RAD51B: variants seen among roughly 807,000 people sequenced by gnomAD.
The protein encoded by RAD51B is RAD51 paralog B, also known as DNA repair protein RAD51 homolog 2.
Under a neutral mutation model 42.2 loss-of-function variants are expected in RAD51B, and 38 were observed. The observed-to-expected ratio is 0.90, with a 90% CI of 0.70 to 1.18. RAD51B has a LOEUF of 1.18. RAD51B is among the 50% of genes most tolerant of loss of function. The pLI is 0.00. For synonymous variants in RAD51B, 154 were observed against 145.2 expected (o/e 1.06, Z -0.43); for missense variants, 373 against 400.7 (o/e 0.93, Z 0.59).
chr14:68,563,952 T>C (rs1474019491), intron 10 of RAD51B: 1 of 970,718 alleles, frequency 1.0e-6, no homozygotes, highest in Non-Finnish European at 1.2e-6. Flanking sequence ...AGAGAACTCT[T>C]GGGTGCTCCC....
At chr14:68,513,560 ACCTT>A (rs1885910977) in intron 10 of RAD51B, among the ~76,000 whole-genome samples, 3 of 151,910 alleles carry the variant, frequency 2.0e-5, no homozygotes, top group South Asian at 4.2e-4. Flanking sequence ...TACAGACCCC[ACCTT>A]TGGGGTCTGG....
At chr14:68,088,847 A>C (rs1315426293) in intron 7 of RAD51B, among the ~76,000 whole-genome samples, 1 of 152,160 alleles carries the variant, frequency 6.6e-6, no homozygotes, top group Non-Finnish European at 1.5e-5. Context: ...GAAGGCAATT[A>C]AAACTTTGAA....
chr14:68,446,793 T>C (rs1431921540), intron 9 of RAD51B, among the ~76,000 whole-genome samples: 1 of 152,224 alleles, frequency 6.6e-6, no homozygotes, highest in Admixed American at 6.5e-5. Context: ...GGCCATCATC[T>C]GAGGCCCTGG....
chr14:68,438,155 T>G (rs904355199), intron 9 of RAD51B, among the ~76,000 whole-genome samples: 1 of 152,180 alleles, frequency 6.6e-6, no homozygotes, highest in African/African-American at 2.4e-5. Context: ...ACATCAGATT[T>G]GTACCTTCCA....
In RAD51B at chr14:68,484,365, T is replaced by C. The variant is rs568661523; in HGVS notation, c.1036+16115T>C. Among the ~76,000 whole-genome samples, 4 of 148,964 alleles carry C rather than the reference T, an allele frequency of 2.7e-5. No individual in the cohort carries two copies. The South Asian group carries it at 6.3e-4, about 24-fold the overall frequency. ...GGCTATTTTCTTTCTTTTTCTTTTT[T>C]TTTTTTTTTTGAGACAGAGTTTTGC... On this transcript the variant is annotated intron_variant, in intron 10 of 10. Coordinates refer to the RAD51B transcript ENST00000487270.
intron 7 of RAD51B, among the ~76,000 whole-genome samples, chr14:68,107,828 A>G (rs2077399288): frequency 6.6e-6 from 1 of 151,872 alleles, no homozygotes; most frequent in Non-Finnish European, 1.5e-5. Flanking sequence ...ACCTAAATGT[A>G]TGATCTAAAA....
chr14:68,275,794 C>CCA (rs10641411), intron 7 of RAD51B, among the ~76,000 whole-genome samples: 13,589 of 141,184 alleles, frequency 0.096, 685 homozygotes, highest in East Asian at 0.21. Flanking sequence ...AACTAGCTCT[C>CCA]CACACACACA....
At chr14:68,484,049 C>T (rs1566908962) in intron 10 of RAD51B, among the ~76,000 whole-genome samples, 1 of 152,198 alleles carries the variant, frequency 6.6e-6, no homozygotes, top group South Asian at 2.1e-4. Flanking sequence ...AGGGATTTAA[C>T]TTTCTCAGAC....
intron 8 of RAD51B, among the ~76,000 whole-genome samples, chr14:68,407,404 C>G (rs2084307158): frequency 6.6e-6 from 1 of 152,102 alleles, no homozygotes; most frequent in South Asian, 2.1e-4. Context: ...TTTTATACAG[C>G]TGAGATTATA....
intron 10 of RAD51B, among the ~76,000 whole-genome samples, chr14:68,625,642 G>A (rs1406491498): frequency 6.6e-6 from 1 of 152,130 alleles, no homozygotes; most frequent in Admixed American, 6.5e-5. Flanking sequence ...ACAGGCACCA[G>A]GTTCTACTCA....
At chr14:67,869,121 G>T (rs2042432226) in intron 5 of RAD51B, among the ~76,000 whole-genome samples, 1 of 152,224 alleles carries the variant, frequency 6.6e-6, no homozygotes. Flanking sequence ...GAAGGCTTCA[G>T]ATGATCAAAT....
chr14:68,052,739 G>T (rs1280615995), intron 7 of RAD51B, among the ~76,000 whole-genome samples: 1 of 151,050 alleles, frequency 6.6e-6, no homozygotes, highest in Non-Finnish European at 1.5e-5. Context: ...TCCCACCTCA[G>T]CCTCCAGAGT....
intron 9 of RAD51B, among the ~76,000 whole-genome samples, chr14:68,430,174 G>C (rs1183547314): frequency 6.6e-6 from 1 of 152,196 alleles, no homozygotes; most frequent in Admixed American, 6.5e-5. Context: ...TTTGAAGTCA[G>C]GTAGGGTGAT....
rs1312913955 is a variant in RAD51B at position 67,885,964 on chromosome 14, T to A, written c.548T>A (p.Leu183His). ...AGTAAAGTTCATCTTTATCGGGAAC[T>A]CACCTGTGATGAAGTTCTACAAAGG... ...TSSKVHLYRELTCDEVLQRIE... is the reference protein window; with the variant it reads ...TSSKVHLYREHTCDEVLQRIE... The change falls in exon 6 of 11, where the codon CTC (leucine) becomes CAC (histidine). Residue 183 changes from leucine to histidine, a missense_variant. Leu to His is a moderately conservative substitution (Grantham distance 99, BLOSUM62 -3). Coordinates refer to ENST00000471583, the MANE Select transcript of RAD51B (RefSeq NM_133510.4). The A allele has an allele frequency of 6.2e-7, 1 of 1,603,490 alleles. No individual in the cohort carries two copies. The highest frequency in any genetic ancestry group is 2.2e-5 in the East Asian group (1 of 44,688).
intron 10 of RAD51B, among the ~76,000 whole-genome samples, chr14:68,567,255 C>T (rs183293825): frequency 7.0e-4 from 106 of 152,024 alleles, no homozygotes; most frequent in African/African-American, 2.1e-3. Context: ...GCCAAGATCG[C>T]GGCCACTGCA....
At chr14:68,681,509 T>C (rs980416958) in intron 11 of RAD51B, among the ~76,000 whole-genome samples, 2 of 152,162 alleles carry the variant, frequency 1.3e-5, no homozygotes, top group Non-Finnish European at 2.9e-5. Flanking sequence ...GGGCATAAGA[T>C]GATTTAGTTA....
intron 7 of RAD51B, among the ~76,000 whole-genome samples, chr14:68,037,880 A>G (rs746721833): frequency 2.0e-5 from 3 of 152,266 alleles, no homozygotes; most frequent in Non-Finnish European, 2.9e-5. Flanking sequence ...CTTTTGAAAT[A>G]AACAATTCCA....
At chr14:68,310,130 T>A (rs2139723205) in intron 8 of RAD51B, among the ~76,000 whole-genome samples, 1 of 152,306 alleles carries the variant, frequency 6.6e-6, no homozygotes, top group South Asian at 2.1e-4. Flanking sequence ...TGGTTTTGAA[T>A]CAATCAGTTG....
intron 7 of RAD51B, among the ~76,000 whole-genome samples, chr14:68,091,777 T>A (rs868321970): frequency 5.9e-5 from 9 of 152,308 alleles, no homozygotes; most frequent in Middle Eastern, 3.4e-3. Context: ...CTTGCCCATG[T>A]CTGTGTCCTG....
Sources: allele counts gnomAD v4.1 joint callset (sites outside exome capture counted in the v4.1 genomes callset), GRCh38; gene constraint gnomAD v4.1.1; transcripts MANE v1.5; gene names NCBI Gene and HGNC (gene_info 2026-07-23, HGNC 2026-07-21).